SEC14L6: variants seen among roughly 807,000 people sequenced by gnomAD.
The protein encoded by SEC14L6 is SEC14 like lipid binding 6, also known as SEC14-like protein 6.
In SEC14L6, 40 loss-of-function variants were observed where a neutral mutation model predicts 54.1. The ratio of observed to expected loss-of-function variants is 0.74; its 90% CI spans 0.57 to 0.96. The LOEUF (loss-of-function observed/expected upper bound fraction) is 0.96, where lower values mean the gene tolerates loss of function less well. SEC14L6 is among the 40% of genes least tolerant of loss of function. The pLI is 0.00. For missense variants in SEC14L6, 471 were observed against 498.3 expected, an observed-to-expected ratio of 0.95 and a Z score of 0.52; for synonymous variants, 171 against 198.4, an observed-to-expected ratio of 0.86 and a Z score of 1.16.
At chr22:30,545,751 T>C (rs1294172978) in intron 1 of SEC14L6, among the ~76,000 whole-genome samples, 1 of 152,254 alleles carries the variant, frequency 6.6e-6, no homozygotes, top group Non-Finnish European at 1.5e-5. Context: ...GATTAGATTA[T>C]ATATTGAAGT....
chr22:30,544,335 G>A (rs1349173670), intron 1 of SEC14L6: 9 of 357,216 alleles, frequency 2.5e-5, no homozygotes, highest in Admixed American at 2.4e-4. Flanking sequence ...CCTGGGAAGC[G>A]GCCAGAACTG....
chr22:30,543,552 GC>G (rs2085760811), intron 1 of SEC14L6: 1 of 1,613,494 alleles, frequency 6.2e-7, no homozygotes, highest in South Asian at 1.1e-5. Context: ...ATGATGTGAA[GC>G]TCACCTGCCA....
intron 1 of SEC14L6, among the ~76,000 whole-genome samples, chr22:30,540,360 T>C (rs1477436412): frequency 6.7e-6 from 1 of 150,292 alleles, no homozygotes; most frequent in African/African-American, 2.5e-5. Flanking sequence ...GCCCCTCCTT[T>C]TTGTTCCTTT....
chr22:30,543,120 G>A, intron 1 of SEC14L6: 2 of 1,603,602 alleles, frequency 1.2e-6, no homozygotes, highest in Non-Finnish European at 8.5e-7. Context: ...GCCTGAAATG[G>A]TTCAAAAATG....
At chr22:30,536,132 G>T (rs570627245) in intron 2 of SEC14L6, among the ~76,000 whole-genome samples, 1 of 152,034 alleles carries the variant, frequency 6.6e-6, no homozygotes, top group African/African-American at 2.4e-5. Flanking sequence ...AAAGTGTTGG[G>T]ATTACAGGTG....
chr22:30,532,906 C>T (rs1937033420), intron 3 of SEC14L6, 50 bp from the exon 4 acceptor site: 15 of 1,596,844 alleles, frequency 9.4e-6, no homozygotes, highest in East Asian at 2.3e-5. Context: ...TCCCAAAGAC[C>T]TCTGTGGATA....
At position 30,532,808 on chromosome 22, in the gene SEC14L6, G is replaced by A. The variant is rs1413017957; in HGVS notation, c.223C>T (p.Gln75Ter). 3 of 1,613,518 alleles carry A rather than the reference G, an allele frequency of 1.9e-6. No homozygotes were observed. The South Asian group carries it at 3.3e-5, about 18-fold the overall frequency. The change falls in exon 4 of 12, where the codon CAG becomes TAG. Residue 75 changes from glutamine to a stop codon, truncating the protein, a stop_gained. Transcript: ENST00000402034. LOFTEE classifies it high-confidence loss of function. ...TGAGAGATGCTCACCTCTGGGGGCTGCCAGGCAAGGATGTTGGCCAGGTCT... is the reference window on the plus strand; with the variant it reads ...TGAGAGATGCTCACCTCTGGGGGCTACCAGGCAAGGATGTTGGCCAGGTCT... ...QQDLANILAW[Q>*]PPEVVRLYNA...
chr22:30,544,013 C>T (rs2085771191), intron 1 of SEC14L6: 1 of 1,592,212 alleles, frequency 6.3e-7, no homozygotes, highest in South Asian at 1.1e-5. Flanking sequence ...AACCGGACCC[C>T]CAAGCAGCTG....
In SEC14L6 at chr22:30,531,993, C is replaced by T; in HGVS notation, c.429G>A (p.Gly143=). The change falls in exon 6 of 12, where the codon GGG becomes GGA. Residue 143 remains glycine (G), a synonymous_variant. Coordinates refer to ENST00000402034, the MANE Select transcript of SEC14L6 (RefSeq NM_001193336.4). ...RECELQSQKL[G]KRVEKIIAIF... is the part of the protein sequence containing the mutation. ...TAGCTATGATTTTCTCCACCCTCTTCCCCAGCTGCAAGGGAATGACAGGGG... is the reference window on the plus strand; with the variant it reads ...TAGCTATGATTTTCTCCACCCTCTTTCCCAGCTGCAAGGGAATGACAGGGG... 1 of 1,550,440 alleles carries T rather than the reference C, an allele frequency of 6.4e-7. No individual in the cohort carries two copies. The highest frequency in any genetic ancestry group is 8.7e-7 in the Non-Finnish European group (1 of 1,146,766).
chr22:30,531,223 C>A (rs1196569968), intron 6 of SEC14L6, among the ~76,000 whole-genome samples: 4 of 151,916 alleles, frequency 2.6e-5, no homozygotes, highest in Non-Finnish European at 5.9e-5. Context: ...ACCTGGCCAA[C>A]ATGGTGAAAC....
At chr22:30,543,887 C>T in intron 1 of SEC14L6, 1 of 1,574,848 alleles carries the variant, frequency 6.3e-7, no homozygotes, top group Non-Finnish European at 8.7e-7. Flanking sequence ...GGGAAGAAGC[C>T]TGCTCCCCGG....
rs769119097 is a variant in SEC14L6 at position 30,525,353 on chromosome 22, T to C, written c.1078A>G (p.Ser360Gly). 8 of 1,613,886 alleles carry C rather than the reference T, an allele frequency of 5.0e-6. No individual in the cohort carries two copies. The South Asian group carries it at 7.7e-5, about 16-fold the overall frequency. ...DGILTCLQAG[S>G]YVLRFYNTYS... ...AGCCATCCCTGCCAACTCTTACAGC[T>C]GCCGGCCTGGAGGCAGGTGAGAATC... The change falls in exon 11 of 12, where the codon AGC (serine) becomes GGC (glycine). Residue 360 changes from serine (S) to glycine (G), a missense_variant. Transcript: ENST00000402034.
chr22:30,545,130 C>T (rs147019075), intron 1 of SEC14L6, among the ~76,000 whole-genome samples: 100 of 152,190 alleles, frequency 6.6e-4, no homozygotes, highest in African/African-American at 2.3e-3. Flanking sequence ...CCAAGCTTGC[C>T]GTGTGCGACC....
chr22:30,534,337 G>A (rs564561059), intron 2 of SEC14L6, among the ~76,000 whole-genome samples: 1 of 152,178 alleles, frequency 6.6e-6, no homozygotes, highest in Non-Finnish European at 1.5e-5. Flanking sequence ...ATAAGGCTGA[G>A]AATTGTTTAA....
rs762207906 is a variant in SEC14L6 at position 30,538,817 on chromosome 22, C to T, written c.130+10G>A. 6.5e-7 allele frequency: 1 copy of T among 1,549,042 alleles called. No individual in the cohort carries two copies. Among genetic ancestry groups the T allele is most frequent in the Non-Finnish European group, 8.7e-7 (1 of 1,143,266 alleles). On this transcript the variant is annotated intron_variant, in intron 2 of 11. Coordinates refer to ENST00000402034, the MANE Select transcript of SEC14L6 (RefSeq NM_001193336.4). ...ATTGACCCTACCCCAGCCCCACGCT[C>T]TATCCTTACCTTGGAGCCAGCGCAG...
intron 2 of SEC14L6, among the ~76,000 whole-genome samples, chr22:30,537,369 C>T (rs1317580605): frequency 2.6e-5 from 4 of 152,154 alleles, no homozygotes; most frequent in African/African-American, 9.7e-5. Flanking sequence ...AATCCCAGCA[C>T]TTTGGGAAGC....
intron 2 of SEC14L6, among the ~76,000 whole-genome samples, chr22:30,537,522 C>T (rs1020730490): frequency 2.6e-5 from 4 of 151,814 alleles, no homozygotes; most frequent in Non-Finnish European, 5.9e-5. Context: ...GGGAGGCTGA[C>T]GTGGGAGTAT....
chr22:30,525,741 C>A lies in SEC14L6; in HGVS notation c.781G>T (p.Gly261Trp), dbSNP rs538834258. 2.2e-5 allele frequency: 35 copies of A among 1,613,960 alleles called. No homozygotes were observed. In the African/African-American group the frequency reaches 3.9e-4, roughly 18 times the overall value. Residue 261 changes from glycine to tryptophan, a missense_variant, in exon 10 of 12, where the codon GGG becomes TGG. Gly to Trp is a radical substitution (Grantham distance 184, BLOSUM62 -2). Coordinates refer to ENST00000402034, the MANE Select transcript of SEC14L6 (RefSeq NM_001193336.4). The stretch of plus-strand genomic sequence containing the variant: ...TAGTAGCTCTTGGGCACCTCACCCC[C>A]GTAGTTGATCTGTGGGTGAAGGGGG... ...NPKCLTKINY[G>W]GEVPKSYYLC...
chr22:30,542,035 G>C (rs1410805266), intron 1 of SEC14L6, among the ~76,000 whole-genome samples: 1 of 152,160 alleles, frequency 6.6e-6, no homozygotes, highest in Non-Finnish European at 1.5e-5. Context: ...GGCACCGAAG[G>C]GCAGGACGCG....
Sources: allele counts gnomAD v4.1 joint callset (sites outside exome capture counted in the v4.1 genomes callset), GRCh38; gene constraint gnomAD v4.1.1; transcripts MANE v1.5; gene names NCBI Gene and HGNC (gene_info 2026-07-23, HGNC 2026-07-21).